AUTS2: variants seen among roughly 807,000 people sequenced by gnomAD.
AUTS2 encodes activator of transcription and developmental regulator AUTS2.
AUTS2 carries 17 observed loss-of-function variants against 112.4 expected under a neutral mutation model. The observed-to-expected ratio is 0.15, with a 90% CI of 0.10 to 0.23. The LOEUF is 0.23. AUTS2 is among the 10% of genes least tolerant of loss of function. The probability of loss-of-function intolerance (pLI) is 1.00; values close to 1 mark genes in which losing one functional copy is unlikely to be tolerated. For synonymous variants in AUTS2, 751 were observed against 702.7 expected (o/e 1.07, Z -1.09); for missense variants, 1,510 against 1,701.6 (o/e 0.89, Z 1.98).
chr7:70,685,445 C>A (rs1808420415), intron 5 of AUTS2, among the ~76,000 whole-genome samples: 1 of 144,868 alleles, frequency 6.9e-6, no homozygotes. Flanking sequence ...CACACCCCAG[C>A]CTGAGTGACA....
At chr7:70,459,013 A>T (rs1796858519) in intron 5 of AUTS2, among the ~76,000 whole-genome samples, 1 of 152,212 alleles carries the variant, frequency 6.6e-6, no homozygotes, top group African/African-American at 2.4e-5. Flanking sequence ...CAGTCCACAC[A>T]TAGGATGGCT....
intron 1 of AUTS2, among the ~76,000 whole-genome samples, chr7:69,633,842 A>T (rs1040865178): frequency 6.6e-6 from 1 of 151,862 alleles, no homozygotes; most frequent in Non-Finnish European, 1.5e-5. Context: ...TACACTTTGC[A>T]TATTAACTCC....
chr7:69,884,239 C>T (rs555471452), intron 1 of AUTS2, among the ~76,000 whole-genome samples: 1 of 152,212 alleles, frequency 6.6e-6, no homozygotes, highest in African/African-American at 2.4e-5. Flanking sequence ...ACAGCTCTTA[C>T]AGATAAACTA....
chr7:69,934,791 G>C (rs1369068064), intron 2 of AUTS2, among the ~76,000 whole-genome samples: 1 of 152,072 alleles, frequency 6.6e-6, no homozygotes, highest in African/African-American at 2.4e-5. Flanking sequence ...AGATGCTGTC[G>C]TTGCCACCCC....
At chr7:69,879,293 G>A (rs1421294009) in intron 1 of AUTS2, among the ~76,000 whole-genome samples, 1 of 151,192 alleles carries the variant, frequency 6.6e-6, no homozygotes, top group African/African-American at 2.4e-5. Flanking sequence ...ACAGGCATGT[G>A]CCACCATGCC....
Position 70,791,848 on chromosome 7 carries a change from A to G in AUTS2, c.*852A>G, listed in dbSNP as rs1791985672. The G allele has an allele frequency of 6.6e-6, 1 of 152,150 alleles. No homozygotes were observed. The highest frequency in any genetic ancestry group is 2.4e-5 in the African/African-American group (1 of 41,432). The allele number at this position is 152,150 out of a possible 1,614,324, so 9.4% of individuals were successfully genotyped here. A position where few individuals can be genotyped will look rare whatever the true frequency, so the allele number is the denominator to read the frequency against. On this transcript the variant is annotated 3_prime_UTR_variant, in exon 19 of 19. Coordinates refer to ENST00000342771, the MANE Select transcript of AUTS2 (RefSeq NM_015570.4). ...GGGAAAGTGTAGCCCCGGAGAGGTA[A>G]CTGAGGACATGAGCAACCAGTGCCA... is the stretch of plus-strand genomic sequence containing the variant.
chr7:70,044,900 C>G (rs1212167661), intron 2 of AUTS2, among the ~76,000 whole-genome samples: 1 of 151,336 alleles, frequency 6.6e-6, no homozygotes, highest in Admixed American at 6.6e-5. Flanking sequence ...TTTGACTTAA[C>G]CGGAGCATGT....
intron 5 of AUTS2, among the ~76,000 whole-genome samples, chr7:70,617,172 C>T (rs1804416310): frequency 6.6e-6 from 1 of 152,144 alleles, no homozygotes; most frequent in Non-Finnish European, 1.5e-5. Flanking sequence ...ATGAGATGCA[C>T]CTTCTAGCAT....
chr7:70,610,187 C>T (rs192048376), intron 5 of AUTS2, among the ~76,000 whole-genome samples: 26 of 152,074 alleles, frequency 1.7e-4, no homozygotes, highest in African/African-American at 6.0e-4. Context: ...TAAGTAGAGA[C>T]AGGGTTTTGC....
At chr7:69,726,027 C>T (rs1230873821) in intron 1 of AUTS2, among the ~76,000 whole-genome samples, 2 of 152,046 alleles carry the variant, frequency 1.3e-5, no homozygotes, top group African/African-American at 2.4e-5. Flanking sequence ...TTAGAATTAC[C>T]TGGGGATCTT....
rs1200695050 is a variant in AUTS2, at chr7:69,602,036, ATATATGTGTGTGTGTGTGTGTGTG to A, written c.309+2076_309+2099del. On this transcript the variant is annotated intron_variant, in intron 1 of 18. Coordinates refer to ENST00000342771, the MANE Select transcript of AUTS2 (RefSeq NM_015570.4). ...TGTGTGTGTGTATATATATATATAT[ATATATGTGTGTGTGTGTGTGTGTG>A]TGTGTGTGTGTGTGTGTGTGTGTGT... Among the ~76,000 whole-genome samples the A allele has an allele frequency of 3.2e-3, 57 of 17,984 alleles. 1 individual carries two copies. The highest frequency in any genetic ancestry group is 0.017 in the South Asian group (5 of 294). 11.8% of individuals were successfully genotyped at this position (17,984 alleles called of 152,430 possible).
chr7:69,977,502 T>C (rs909370665), intron 2 of AUTS2, among the ~76,000 whole-genome samples: 1 of 152,186 alleles, frequency 6.6e-6, no homozygotes, highest in Non-Finnish European at 1.5e-5. Flanking sequence ...ATAGAGATTG[T>C]ATTTATGGAT....
chr7:70,648,239 GC>G (rs915994604), intron 5 of AUTS2, among the ~76,000 whole-genome samples: 4 of 152,066 alleles, frequency 2.6e-5, no homozygotes, highest in South Asian at 2.1e-4. Flanking sequence ...ATAGTACTCC[GC>G]CCCCCTCCAC....
intron 4 of AUTS2, among the ~76,000 whole-genome samples, chr7:70,424,261 A>G (rs1795339660): frequency 6.6e-6 from 1 of 152,222 alleles, no homozygotes; most frequent in South Asian, 2.1e-4. Context: ...TCTGTGGAGC[A>G]GAAATACGGC....
intron 4 of AUTS2, among the ~76,000 whole-genome samples, chr7:70,255,797 G>A (rs1786836663): frequency 6.6e-6 from 1 of 152,056 alleles, no homozygotes; most frequent in Non-Finnish European, 1.5e-5. Flanking sequence ...TTGACCTTGT[G>A]TTGTTAAAAC....
rs1795618138 is a variant in AUTS2, at chr7:70,430,647, C to G, written c.661-5105C>G. Reference sequence around the variant, plus strand: ...AGATGCAACTCTGGGGAGACAGTGACATTAAAGAATATGCAGAAAAGGAAG... The same window carrying G: ...AGATGCAACTCTGGGGAGACAGTGAGATTAAAGAATATGCAGAAAAGGAAG... On this transcript the variant is annotated intron_variant, in intron 4 of 18. Transcript: ENST00000342771. Among the ~76,000 whole-genome samples, 3 of 151,908 alleles carry G rather than the reference C, an allele frequency of 2.0e-5. No homozygotes were observed. The South Asian group carries it at 6.2e-4, about 32-fold the overall frequency.
chr7:70,110,865 T>C (rs1045996338), intron 2 of AUTS2, among the ~76,000 whole-genome samples: 11 of 135,510 alleles, frequency 8.1e-5, no homozygotes, highest in Non-Finnish European at 1.1e-4. Context: ...CTTTCTTTTT[T>C]TTTTTTTTTT....
chr7:70,086,640 C>CAAAA (rs71068015), intron 2 of AUTS2, among the ~76,000 whole-genome samples: 1 of 83,538 alleles, frequency 1.2e-5, no homozygotes, highest in African/African-American at 4.3e-5. Flanking sequence ...GACTCCATCT[C>CAAAA]AAAAAAAAAA....
chr7:69,900,805 A>G (rs950370221), intron 2 of AUTS2, among the ~76,000 whole-genome samples: 3 of 152,228 alleles, frequency 2.0e-5, no homozygotes, highest in Non-Finnish European at 4.4e-5. Flanking sequence ...GACAACCAGC[A>G]CAGTGTTTCC....
Sources: gnomAD v4.1 joint callset for allele counts (sites outside exome capture counted in the v4.1 genomes callset) on GRCh38, gnomAD v4.1.1 for gene constraint, MANE v1.5 for transcripts, NCBI Gene and HGNC (gene_info 2026-07-23, HGNC 2026-07-21) for gene names.